The following RPS6KA1 variants were observed in gnomAD, a reference collection of about 807,000 sequenced individuals.
RPS6KA1 encodes ribosomal protein S6 kinase alpha-1.
RPS6KA1 carries 48 observed loss-of-function variants against 91.3 expected under a neutral mutation model. The ratio of observed to expected loss-of-function variants is 0.53; its 90% CI spans 0.42 to 0.67. The LOEUF is 0.67. RPS6KA1 is among the 30% of genes least tolerant of loss of function. The pLI, the probability that RPS6KA1 is intolerant of heterozygous loss-of-function variation, is 0.00. For missense variants in RPS6KA1, 719 were observed against 960.5 expected, an observed-to-expected ratio of 0.75 and a Z score of 3.32; for synonymous variants, 359 against 384.7, an observed-to-expected ratio of 0.93 and a Z score of 0.78.
intron 1 of RPS6KA1, 121 bp from the exon 2 acceptor site, chr1:26,536,804 C>A: frequency 2.7e-6 from 3 of 1,110,788 alleles, no homozygotes; most frequent in Non-Finnish European, 1.4e-6. Context: ...AGGACTCCTG[C>A]CCTACCACCA....
At position 26,544,664 on chromosome 1, in the gene RPS6KA1, C is replaced by T. The variant is rs181816145; in HGVS notation, c.109-2203C>T. Among the ~76,000 whole-genome samples the T allele has an allele frequency of 1.6e-3, 245 of 152,154 alleles. 1 individual carries two copies. The highest frequency in any genetic ancestry group is 2.6e-3 in the Non-Finnish European group (179 of 67,996). On this transcript the variant is annotated intron_variant, in intron 2 of 21. Transcript: ENST00000374168. Reference sequence around the variant, plus strand: ...TAATTTTTTGTATTTTTAGTAGAGACGGGGTTTCACCGTGTTAGCCAGGAT... The same window carrying T: ...TAATTTTTTGTATTTTTAGTAGAGATGGGGTTTCACCGTGTTAGCCAGGAT...
intron 11 of RPS6KA1, chr1:26,556,003 A>C: frequency 3.5e-6 from 1 of 283,894 alleles, no homozygotes; most frequent in Non-Finnish European, 6.8e-6. Flanking sequence ...CTCTATAAAT[A>C]TTTGTTAAAC....
At chr1:26,567,337 G>A (rs933940321) in intron 17 of RPS6KA1, among the ~76,000 whole-genome samples, 2 of 152,036 alleles carry the variant, frequency 1.3e-5, no homozygotes, top group Non-Finnish European at 2.9e-5. Context: ...CAGAGCCTGT[G>A]CTGCTTTGGA....
Position 26,571,217 on chromosome 1 carries a change from T to A in RPS6KA1, c.1591-232T>A, listed in dbSNP as rs982770909. ...GTGATGAGTAGGTTTTAGGGGAGAA[T>A]TGAGAGTTCAGTTTTGACAGGTTAA... On this transcript the variant is annotated intron_variant, in intron 17 of 21. Coordinates refer to ENST00000374168, the MANE Select transcript of RPS6KA1 (RefSeq NM_002953.4). This position sits in a 1 kb window ranked among gnomAD's most constrained non-coding sequence, Gnocchi z 5.1. 5.7e-6 allele frequency: 3 copies of A among 524,262 alleles called. No homozygotes were observed. The highest frequency in any genetic ancestry group is 1.0e-5 in the Non-Finnish European group (3 of 293,984). 32.5% of individuals were successfully genotyped at this position (524,262 alleles called of 1,614,324 possible).
intron 15 of RPS6KA1, 73 bp downstream of exon 15, chr1:26,560,924 G>A (rs2076148906): frequency 3.1e-6 from 5 of 1,609,540 alleles, no homozygotes; most frequent in Non-Finnish European, 4.2e-6. Context: ...GGGAGGGATG[G>A]TGCCTGAGCT....
rs2076085173 is a variant in RPS6KA1, at chr1:26,554,850, A to G, written c.756+112A>G. On this transcript the variant is annotated intron_variant, in intron 9 of 21. Coordinates refer to ENST00000374168, the MANE Select transcript of RPS6KA1 (RefSeq NM_002953.4). The surrounding 1 kb of genome is among the most constrained non-coding windows in gnomAD (Gnocchi z 4.6). ...TAGGGCTCTCCCCGTCTCCTCTCAC[A>G]GCCAAGCTGGCCTCACCCTATATGC... 14 of 1,404,754 alleles carry G rather than the reference A, an allele frequency of 1.0e-5. No homozygotes were observed. Among genetic ancestry groups the G allele is most frequent in the Non-Finnish European group, 1.4e-5 (14 of 1,034,842 alleles). The allele number at this position is 1,404,754 out of a possible 1,614,324, so 87.0% of individuals were successfully genotyped here.
chr1:26,542,914 T>G (rs2124622295), intron 2 of RPS6KA1, among the ~76,000 whole-genome samples: 1 of 152,252 alleles, frequency 6.6e-6, no homozygotes, highest in African/African-American at 2.4e-5. Context: ...TGCTCTTGTC[T>G]CTCCTCCTTA....
In RPS6KA1 at chr1:26,574,558, CTCTT is replaced by C. The variant is rs1265838387; in HGVS notation, c.*359_*362del. On this transcript the variant is annotated 3_prime_UTR_variant, in exon 22 of 22. Coordinates refer to ENST00000374168, the MANE Select transcript of RPS6KA1 (RefSeq NM_002953.4). This position sits in a 1 kb window ranked among gnomAD's most constrained non-coding sequence, Gnocchi z 4.3. Reference sequence around the variant, plus strand: ...TGAGTCACGCTGGGGCTCTCTGAGACTCTTTAGAGCAGCTTTGGGATCCCACCCT... The same window carrying C: ...TGAGTCACGCTGGGGCTCTCTGAGACTAGAGCAGCTTTGGGATCCCACCCT... 9 of 434,720 alleles carry C rather than the reference CTCTT, an allele frequency of 2.1e-5. No homozygotes were observed. Among genetic ancestry groups the C allele is most frequent in the Non-Finnish European group, 3.2e-5 (7 of 217,970 alleles). 26.9% of individuals were successfully genotyped at this position (434,720 alleles called of 1,614,324 possible). A position where few individuals can be genotyped will look rare whatever the true frequency, so the allele number is the denominator to read the frequency against.
Position 26,559,000 on chromosome 1 carries a change from C to T in RPS6KA1, c.1215+63C>T, listed in dbSNP as rs1222236666. 23 of 1,565,740 alleles carry T rather than the reference C, an allele frequency of 1.5e-5. No individual in the cohort carries two copies. Among genetic ancestry groups the T allele is most frequent in the Middle Eastern group, 1.7e-4 (1 of 5,902 alleles). On this transcript the variant is annotated intron_variant, in intron 14 of 21. Transcript: ENST00000374168. This position sits in a 1 kb window ranked among gnomAD's most constrained non-coding sequence, Gnocchi z 4.0. ...TCTAAAGAATGGCTGAGTACACAGG[C>T]TCTGAGTTGGACAGAACCAGGTTCA...
chr1:26,530,429 C>T (rs1402373400), intron 1 of RPS6KA1, among the ~76,000 whole-genome samples: 3 of 152,222 alleles, frequency 2.0e-5, no homozygotes, highest in Non-Finnish European at 4.4e-5. Context: ...CGCTGCTGAG[C>T]CTAGAAGGAT....
rs2076052266 is a variant in RPS6KA1 at position 26,551,726 on chromosome 1, G to A, written c.468+3G>A. ...TCTTCACCCGGCTCTCAAAAGAGGT[G>A]AGCTGACATCTACTGCCAGAGGGCC... On this transcript the variant is annotated splice_donor_region_variant and intron_variant, in intron 6 of 21. Transcript: ENST00000374168. The surrounding 1 kb of genome is among the most constrained non-coding windows in gnomAD (Gnocchi z 4.5). 6.2e-7 allele frequency: 1 copy of A among 1,613,150 alleles called. No individual in the cohort carries two copies.
At position 26,529,906 on chromosome 1, in the gene RPS6KA1, C is replaced by G; in HGVS notation, c.-15C>G. ...GGGGCCGCCGGAGGAGCGCGGGTGA[C>G]CTGGCGGCGGCGAGATGCCGCTCGC... On this transcript the variant is annotated 5_prime_UTR_variant, in exon 1 of 22. Coordinates refer to ENST00000374168, the MANE Select transcript of RPS6KA1 (RefSeq NM_002953.4). This position sits in a 1 kb window ranked among gnomAD's most constrained non-coding sequence, Gnocchi z 4.2. The G allele has an allele frequency of 7.0e-7, 1 of 1,423,300 alleles. No individual in the cohort carries two copies. Among genetic ancestry groups the G allele is most frequent in the Non-Finnish European group, 9.2e-7 (1 of 1,087,664 alleles). The allele number at this position is 1,423,300 out of a possible 1,614,324, so 88.2% of individuals were successfully genotyped here. A position where few individuals can be genotyped will look rare whatever the true frequency, so the allele number is the denominator to read the frequency against.
chr1:26,560,591 C>A, intron 14 of RPS6KA1, 135 bp from the exon 15 acceptor site: 1 of 1,125,368 alleles, frequency 8.9e-7, no homozygotes, highest in Non-Finnish European at 1.3e-6. Context: ...CCTGCGGTCA[C>A]ATGGCCAACA....
chr1:26,556,755 G>A (rs2076105347), intron 12 of RPS6KA1, 37 bp downstream of exon 12: 1 of 1,609,820 alleles, frequency 6.2e-7, no homozygotes, highest in African/African-American at 1.3e-5. Flanking sequence ...TCTGGCCAGG[G>A]CTCAGCCATC....
rs1557503946 is a variant in RPS6KA1 at position 26,555,409 on chromosome 1, G to A, written c.828-128G>A. 5 of 1,078,020 alleles carry A rather than the reference G, an allele frequency of 4.6e-6. No individual in the cohort carries two copies. The highest frequency in any genetic ancestry group is 1.4e-5 in the South Asian group (1 of 69,352). The allele number at this position is 1,078,020 out of a possible 1,614,324, so 66.8% of individuals were successfully genotyped here. On this transcript the variant is annotated intron_variant, in intron 10 of 21. Transcript: ENST00000374168. This position sits in a 1 kb window ranked among gnomAD's most constrained non-coding sequence, Gnocchi z 4.3. ...GGGGCCTGTGGGTAGGATCCCTGAA[G>A]CCTTTGGGAAGTGAATTAGTGGATG...
At chr1:26,559,915 C>T (rs1006773308) in intron 14 of RPS6KA1, among the ~76,000 whole-genome samples, 3 of 152,010 alleles carry the variant, frequency 2.0e-5, no homozygotes, top group Non-Finnish European at 2.9e-5. Context: ...GCCAACATGG[C>T]GAAACCCCGT....
At position 26,573,397 on chromosome 1, in the gene RPS6KA1, G is replaced by A. The variant is rs201805702; in HGVS notation, c.2085+36G>A. ...CCTTGGGCTGCTGGGCATCTGGGGG[G>A]TCAGCCCAAGGTGGCATGGTCAGGG... On this transcript the variant is annotated intron_variant, in intron 21 of 21. Coordinates refer to ENST00000374168, the MANE Select transcript of RPS6KA1 (RefSeq NM_002953.4). 52 of 1,613,022 alleles carry A rather than the reference G, an allele frequency of 3.2e-5. No homozygotes were observed. The East Asian group carries it at 7.8e-4, about 24-fold the overall frequency.
chr1:26,563,894 G>A (rs1041737130), intron 17 of RPS6KA1, among the ~76,000 whole-genome samples: 10 of 152,078 alleles, frequency 6.6e-5, no homozygotes, highest in African/African-American at 2.4e-4. Context: ...AAGCCAAGAT[G>A]GGCAGATCAC....
Position 26,547,253 on chromosome 1 carries a change from A to T in RPS6KA1, c.290A>T (p.Lys97Met). ...SGHLYAMKVLKKATLKVRDRV... is the reference protein window; with the variant it reads ...SGHLYAMKVLMKATLKVRDRV... ...CACCTGTATGCTATGAAGGTGCTGA[A>T]GAAGGCAACGCTGAAAGGTGAGTGG... The change falls in exon 4 of 22, where the codon AAG becomes ATG. Residue 97 changes from lysine (K) to methionine (M), a missense_variant. Transcript: ENST00000374168. The surrounding 1 kb of genome is among the most constrained non-coding windows in gnomAD (Gnocchi z 4.1). 1 of 1,613,986 alleles carries T rather than the reference A, an allele frequency of 6.2e-7. No individual in the cohort carries two copies. The highest frequency in any genetic ancestry group is 8.5e-7 in the Non-Finnish European group (1 of 1,179,980).
Sources: allele counts gnomAD v4.1 joint callset (sites outside exome capture counted in the v4.1 genomes callset), GRCh38; gene constraint gnomAD v4.1.1; non-coding constraint Gnocchi (gnomAD v3.1); transcripts MANE v1.5; gene names NCBI Gene and HGNC (gene_info 2026-07-23, HGNC 2026-07-21).